TTC9: variants seen among roughly 807,000 people sequenced by gnomAD.
The protein encoded by TTC9 is tetratricopeptide repeat domain 9.
TTC9 carries 13 observed loss-of-function variants against 22.9 expected under a neutral mutation model. The observed-to-expected ratio is 0.57, with a 90% confidence interval of 0.37 to 0.90. The LOEUF is 0.90. Ranked by LOEUF, TTC9 falls within the 40% of genes least tolerant of loss-of-function variation. The probability of loss-of-function intolerance (pLI) is 0.01; values close to 1 mark genes in which losing one functional copy is unlikely to be tolerated. For missense variants in TTC9, 280 were observed against 291.8 expected, an observed-to-expected ratio of 0.96 and a Z score of 0.29; for synonymous variants, 148 against 133.2, an observed-to-expected ratio of 1.11 and a Z score of -0.77.
rs148532338 is a variant in TTC9 at position 70,668,226 on chromosome 14, C to T, written c.589+480C>T. Among the ~76,000 whole-genome samples the T allele has an allele frequency of 3.0e-4, 46 of 152,326 alleles. 1 individual carries two copies. The East Asian group carries it at 8.9e-3, about 29-fold the overall frequency. On this transcript the variant is annotated intron_variant, in intron 2 of 2. Coordinates refer to ENST00000256367, the MANE Select transcript of TTC9 (RefSeq NM_015351.2). Reference sequence around the variant, plus strand: ...TCCAGTCAGATGCTATTCCTTAGGACATGTGTTATCTATAGCATTCACTTA... The same window carrying T: ...TCCAGTCAGATGCTATTCCTTAGGATATGTGTTATCTATAGCATTCACTTA...
Position 70,642,347 on chromosome 14 carries a change from T to C in TTC9, c.218T>C (p.Phe73Ser). 1 of 1,601,532 alleles carries C rather than the reference T, an allele frequency of 6.2e-7. No individual in the cohort carries two copies. Residue 73 changes from phenylalanine (F) to serine (S), a missense_variant, in exon 1 of 3, where the codon TTC becomes TCC. By Grantham distance (155) the Phe-to-Ser change is radical. Around this residue, in one of 5 missense-constraint regions of TTC9, gnomAD observed 165 missense variants for 145.4 expected, o/e 1.14. Coordinates refer to ENST00000256367, the MANE Select transcript of TTC9 (RefSeq NM_015351.2). ...GCGCAGTGCTACAAGGACAAGAAAT[T>C]CCGTGAAGCCATAGGCAAATACCAC... ...QGAQCYKDKK[F>S]REAIGKYHRA...
In TTC9 at chr14:70,643,175, T is replaced by C. The variant is rs373032680; in HGVS notation, c.406+640T>C. 7.9e-5 allele frequency among the ~76,000 whole-genome samples: 12 copies of C among 152,182 alleles called. No homozygotes were observed. In the East Asian group the frequency reaches 2.3e-3, roughly 29 times the overall value. ...ATCTCAAAAGAAGCTTGGTTCATGG[T>C]TGGGCTTGAACTATGCTGCATTCTC... On this transcript the variant is annotated intron_variant, in intron 1 of 2. Coordinates refer to ENST00000256367, the MANE Select transcript of TTC9 (RefSeq NM_015351.2).
chr14:70,653,189 A>T (rs1594736735), intron 1 of TTC9, among the ~76,000 whole-genome samples: 1 of 152,332 alleles, frequency 6.6e-6, no homozygotes, highest in Non-Finnish European at 1.5e-5. Context: ...TGCTTAACAG[A>T]TGCTAGTTAA....
rs111504362 is a variant in TTC9, at chr14:70,663,556, A to G, written c.407-4008A>G. Among the ~76,000 whole-genome samples the G allele has an allele frequency of 9.0e-3, 1,364 of 152,344 alleles. 21 individuals carry two copies. The highest frequency in any genetic ancestry group is 0.03 in the African/African-American group (1,265 of 41,570). ...CAGCTATAATGCTACTTCTTCCAAG[A>G]AGGCCTCCCATTATACTTTAGATCA... is the stretch of plus-strand genomic sequence containing the variant. On this transcript the variant is annotated intron_variant, in intron 1 of 2. Transcript: ENST00000256367.
chr14:70,668,329 A>C (rs530691401), intron 2 of TTC9, among the ~76,000 whole-genome samples: 2 of 152,216 alleles, frequency 1.3e-5, no homozygotes, highest in Non-Finnish European at 2.9e-5. Flanking sequence ...GGTATATAGT[A>C]GTGAACAAAA....
At chr14:70,642,571 GTT>G in intron 1 of TTC9, 36 bp downstream of exon 1, 3 of 1,513,168 alleles carry the variant, frequency 2.0e-6, no homozygotes, top group Non-Finnish European at 2.6e-6. Flanking sequence ...CGCGGTCCCC[GTT>G]CTTCGGCCCG....
intron 1 of TTC9, among the ~76,000 whole-genome samples, chr14:70,663,973 C>CTGAA (rs1311548411): frequency 1.3e-5 from 2 of 152,146 alleles, no homozygotes; most frequent in Non-Finnish European, 2.9e-5. Flanking sequence ...GCTGGGTGAC[C>CTGAA]TTCAGCAAGT....
At chr14:70,652,446 C>T (rs71425211) in intron 1 of TTC9, among the ~76,000 whole-genome samples, 21,093 of 152,204 alleles carry the variant, frequency 0.14, 1,718 homozygotes, top group Non-Finnish European at 0.19. Flanking sequence ...AAATTGATGG[C>T]ACCAAATAGT....
At chr14:70,649,222 G>A (rs1025196911) in intron 1 of TTC9, among the ~76,000 whole-genome samples, 1 of 152,118 alleles carries the variant, frequency 6.6e-6, no homozygotes, top group African/African-American at 2.4e-5. Context: ...ATGACAGAAA[G>A]GATTACCATG....
intron 1 of TTC9, among the ~76,000 whole-genome samples, chr14:70,655,655 C>T (rs1030385514): frequency 2.6e-5 from 4 of 152,154 alleles, no homozygotes; most frequent in Non-Finnish European, 5.9e-5. Context: ...CCCTCCCCTC[C>T]CACAGGATGC....
chr14:70,659,119 A>AACACACACGC (rs1555362235), intron 1 of TTC9, among the ~76,000 whole-genome samples: 1 of 134,616 alleles, frequency 7.4e-6, no homozygotes, highest in Non-Finnish European at 1.6e-5. Context: ...TATATAACTA[A>AACACACACGC]ACACACACAC....
At chr14:70,664,453 T>C (rs1566701203) in intron 1 of TTC9, among the ~76,000 whole-genome samples, 1 of 151,944 alleles carries the variant, frequency 6.6e-6, no homozygotes, top group Non-Finnish European at 1.5e-5. Flanking sequence ...GGGCCGGGTG[T>C]AGTGGCTCAC....
At chr14:70,649,143 C>T (rs1356691820) in intron 1 of TTC9, among the ~76,000 whole-genome samples, 2 of 152,094 alleles carry the variant, frequency 1.3e-5, no homozygotes, top group Non-Finnish European at 2.9e-5. Flanking sequence ...GGGATATTCA[C>T]CACCATCTGA....
At chr14:70,661,268 C>T (rs1443330851) in intron 1 of TTC9, among the ~76,000 whole-genome samples, 1 of 152,164 alleles carries the variant, frequency 6.6e-6, no homozygotes, top group East Asian at 1.9e-4. Context: ...AGGGCCCATT[C>T]TAACTATTTC....
chr14:70,663,413 G>A (rs1219943584), intron 1 of TTC9, among the ~76,000 whole-genome samples: 1 of 152,190 alleles, frequency 6.6e-6, no homozygotes, highest in African/African-American at 2.4e-5. Context: ...GTAGTGAGAA[G>A]AGGCTAGGGG....
At chr14:70,665,188 G>A (rs751499443) in intron 1 of TTC9, among the ~76,000 whole-genome samples, 3 of 152,192 alleles carry the variant, frequency 2.0e-5, no homozygotes, top group Non-Finnish European at 4.4e-5. Flanking sequence ...AGGGAGGGCT[G>A]GACGGGAAGA....
chr14:70,644,244 GGTCAGGCCAGCCCA>G (rs1287571657), intron 1 of TTC9, among the ~76,000 whole-genome samples: 1 of 152,178 alleles, frequency 6.6e-6, no homozygotes, highest in Non-Finnish European at 1.5e-5. Context: ...ATGTGTCCTT[GGTCAGGCCAGCCCA>G]GTCAGGGCGG....
At chr14:70,648,704 A>G (rs1885936323) in intron 1 of TTC9, among the ~76,000 whole-genome samples, 1 of 152,212 alleles carries the variant, frequency 6.6e-6, no homozygotes, top group South Asian at 2.1e-4. Context: ...CAATCAACCA[A>G]CTAGAGATTT....
chr14:70,651,572 C>T (rs982746946), intron 1 of TTC9, among the ~76,000 whole-genome samples: 3 of 152,164 alleles, frequency 2.0e-5, no homozygotes, highest in Non-Finnish European at 4.4e-5. Context: ...GTCTCCCTTT[C>T]TGCAGTGGCC....
Sources: allele counts gnomAD v4.1 joint callset (sites outside exome capture counted in the v4.1 genomes callset), GRCh38; gene constraint gnomAD v4.1.1; regional missense constraint gnomAD v4.1.1; transcripts MANE v1.5; gene names NCBI Gene and HGNC (gene_info 2026-07-23, HGNC 2026-07-21).